CCDC43: variants seen among roughly 807,000 people sequenced by gnomAD.
CCDC43 encodes coiled-coil domain-containing protein 43.
CCDC43 carries 20 observed loss-of-function variants against 33.3 expected under a neutral mutation model. That is an observed-to-expected ratio of 0.60 (90% CI 0.42 to 0.87). The LOEUF is 0.87. Ranked by LOEUF, CCDC43 falls within the 40% of genes least tolerant of loss-of-function variation. The pLI, the probability that CCDC43 is intolerant of heterozygous loss-of-function variation, is 0.00. For synonymous variants in CCDC43, 104 were observed against 106.5 expected, an observed-to-expected ratio of 0.98 and a Z score of 0.14; for missense variants, 248 against 269.9, an observed-to-expected ratio of 0.92 and a Z score of 0.57.
intron 4 of CCDC43, 41 bp from the exon 5 acceptor site, chr17:44,679,084 T>A (rs767888774): frequency 1.8e-5 from 27 of 1,506,252 alleles, no homozygotes; most frequent in Middle Eastern, 4.5e-4. Context: ...GTCACACAGA[T>A]CACACCTACT....
intron 2 of CCDC43, among the ~76,000 whole-genome samples, chr17:44,682,418 G>C (rs1029378108): frequency 7.4e-6 from 1 of 134,516 alleles, no homozygotes; most frequent in Non-Finnish European, 1.6e-5. Flanking sequence ...AAAAAAGGTT[G>C]AAAAGCACTG....
At chr17:44,688,668 T>C (rs1011088041) in intron 1 of CCDC43, among the ~76,000 whole-genome samples, 2 of 152,186 alleles carry the variant, frequency 1.3e-5, no homozygotes, top group African/African-American at 4.8e-5. Context: ...TTAGTGATGA[T>C]TCAAGTAAAT....
At chr17:44,681,909 A>C in intron 3 of CCDC43, 94 bp downstream of exon 3, 1 of 1,479,384 alleles carries the variant, frequency 6.8e-7, no homozygotes, top group Non-Finnish European at 9.3e-7. Flanking sequence ...TAAGCTATAG[A>C]GGGGGATTAG....
chr17:44,686,600 T>C (rs1021551363), intron 1 of CCDC43, among the ~76,000 whole-genome samples: 4 of 152,206 alleles, frequency 2.6e-5, no homozygotes, highest in African/African-American at 9.6e-5. Context: ...CAATCATCCA[T>C]TCCTTCATTT....
chr17:44,682,868 T>C (rs8079825), intron 2 of CCDC43, among the ~76,000 whole-genome samples: 5 of 151,574 alleles, frequency 3.3e-5, no homozygotes, highest in Admixed American at 6.6e-5. Flanking sequence ...AAAAAAAAAA[T>C]ATTTTGCCAT....
chr17:44,679,678 G>A (rs1165810708), intron 4 of CCDC43, among the ~76,000 whole-genome samples: 1 of 152,094 alleles, frequency 6.6e-6, no homozygotes, highest in Non-Finnish European at 1.5e-5. Flanking sequence ...TAGATCATGA[G>A]GTCAGGAGAT....
At chr17:44,687,909 T>C (rs1433313652) in intron 1 of CCDC43, 2 of 152,188 alleles carry the variant, frequency 1.3e-5, no homozygotes, top group South Asian at 2.1e-4. Flanking sequence ...TATAAGCCAA[T>C]CTTGCCAGAA....
At chr17:44,688,070 T>G (rs1249631224) in intron 1 of CCDC43, 2 of 152,212 alleles carry the variant, frequency 1.3e-5, no homozygotes, top group East Asian at 3.8e-4. Flanking sequence ...ACAAAACACT[T>G]TTGGATTTGA....
At chr17:44,682,182 C>T in intron 2 of CCDC43, 44 bp from the exon 3 acceptor site, 4 of 1,611,866 alleles carry the variant, frequency 2.5e-6, no homozygotes, top group Non-Finnish European at 3.4e-6. Flanking sequence ...TGAGAGAGAA[C>T]AAGCTCACTG....
At chr17:44,685,388 T>C (rs544684079) in intron 1 of CCDC43, among the ~76,000 whole-genome samples, 3 of 152,272 alleles carry the variant, frequency 2.0e-5, no homozygotes, top group African/African-American at 7.2e-5. Flanking sequence ...TGTCCAACCA[T>C]CCCGCTGTCC....
In CCDC43 at chr17:44,687,385, G is replaced by A. The variant is rs559154301; in HGVS notation, c.204+2165C>T. On this transcript the variant is annotated intron_variant, in intron 1 of 4. Transcript: ENST00000315286. ...CAGGAGGCAGAGGTTACAGTGAGCCGAGATTTTGCTACTGCACTCCAGCCT... is the reference window on the plus strand; with the variant it reads ...CAGGAGGCAGAGGTTACAGTGAGCCAAGATTTTGCTACTGCACTCCAGCCT... 2.0e-5 allele frequency among the ~76,000 whole-genome samples: 3 copies of A among 152,110 alleles called. No individual in the cohort carries two copies. In the East Asian group the frequency reaches 5.8e-4, roughly 29 times the overall value.
At chr17:44,687,008 G>A (rs1972245785) in intron 1 of CCDC43, among the ~76,000 whole-genome samples, 1 of 152,134 alleles carries the variant, frequency 6.6e-6, no homozygotes, top group South Asian at 2.1e-4. Flanking sequence ...CCTAGCCCAA[G>A]TCAGGCACAG....
chr17:44,686,071 G>A (rs548881813), intron 1 of CCDC43, among the ~76,000 whole-genome samples: 1 of 152,044 alleles, frequency 6.6e-6, no homozygotes, highest in Non-Finnish European at 1.5e-5. Flanking sequence ...CCGCCACCAC[G>A]CCCAGCTAAT....
intron 3 of CCDC43, among the ~76,000 whole-genome samples, chr17:44,681,548 T>C (rs1336748957): frequency 6.6e-6 from 1 of 152,196 alleles, no homozygotes; most frequent in African/African-American, 2.4e-5. Flanking sequence ...CACCCAAAAA[T>C]ACCCAGGTTC....
intron 4 of CCDC43, among the ~76,000 whole-genome samples, chr17:44,680,157 G>A (rs1972138229): frequency 6.6e-6 from 1 of 151,634 alleles, no homozygotes; most frequent in Non-Finnish European, 1.5e-5. Context: ...CTAGTGTTTT[G>A]TATTTTTTTT....
Position 44,683,967 on chromosome 17 carries a change from GA to G in CCDC43, c.205-9del. 6.3e-7 allele frequency: 1 copy of G among 1,590,534 alleles called. No individual in the cohort carries two copies. Among genetic ancestry groups the G allele is most frequent in the South Asian group, 1.1e-5 (1 of 90,548 alleles). The stretch of plus-strand genomic sequence containing the variant: ...AAGGAGGGAATCTTCTTCCTAGTTG[GA>G]AAAGCAGACCAATTAATTTCCTGAG... On this transcript the variant is annotated splice_polypyrimidine_tract_variant and intron_variant, in intron 1 of 4. Transcript: ENST00000315286.
intron 3 of CCDC43, 132 bp from the exon 4 acceptor site, chr17:44,680,775 C>G: frequency 1.6e-6 from 1 of 644,248 alleles, no homozygotes; most frequent in Non-Finnish European, 2.9e-6. Flanking sequence ...GGCGATAAAC[C>G]CAGGAGATTC....
chr17:44,680,697 G>C (rs1972146166), intron 3 of CCDC43, 54 bp from the exon 4 acceptor site: 2 of 1,359,102 alleles, frequency 1.5e-6, no homozygotes, highest in Non-Finnish European at 2.1e-6. Context: ...CCTAACATTA[G>C]AAAACATTCA....
intron 1 of CCDC43, among the ~76,000 whole-genome samples, chr17:44,686,848 T>C (rs1972243878): frequency 6.6e-6 from 1 of 152,208 alleles, no homozygotes; most frequent in Admixed American, 6.5e-5. Context: ...CAATAAAAAT[T>C]TGATAAATCA....
Sources: gnomAD v4.1 joint callset for allele counts (sites outside exome capture counted in the v4.1 genomes callset) on GRCh38, gnomAD v4.1.1 for gene constraint, MANE v1.5 for transcripts, NCBI Gene and HGNC (gene_info 2026-07-23, HGNC 2026-07-21) for gene names.